The following TBC1D5 variants were observed in gnomAD, a reference collection of about 807,000 sequenced individuals.
TBC1D5 encodes the protein TBC1 domain family member 5, also known as TBC1 domain family, member 5.
A neutral mutation model predicts 100.3 loss-of-function variants in TBC1D5; 75 were observed. That is an observed-to-expected ratio of 0.75 (90% CI 0.62 to 0.91). TBC1D5 has a LOEUF of 0.91. TBC1D5 is among the 40% of genes least tolerant of loss of function. TBC1D5 has a pLI of 0.00. For missense variants in TBC1D5, 910 were observed against 942.4 expected (o/e 0.97, Z 0.45); for synonymous variants, 323 against 325.6 (o/e 0.99, Z 0.09).
At chr3:17,346,101 C>T (rs557124270) in intron 13 of TBC1D5, among the ~76,000 whole-genome samples, 2 of 152,082 alleles carry the variant, frequency 1.3e-5, no homozygotes, top group South Asian at 2.1e-4. Context: ...CAGTATAATA[C>T]TATTGCCAAA....
intron 1 of TBC1D5, among the ~76,000 whole-genome samples, chr3:17,638,954 G>C (rs2064233273): frequency 6.6e-6 from 1 of 152,128 alleles, no homozygotes. Context: ...AAACAGCTGG[G>C]AAGTTTCTTA....
In TBC1D5 at chr3:17,214,306, G is replaced by C. The variant is rs528817547; in HGVS notation, c.1653C>G (p.Phe551Leu). ...TAGCAGATGAAGGTGGAGAGCCAGTGAATTCTCTTCCTCCAGGCAAACTCT... is the reference window on the plus strand; with the variant it reads ...TAGCAGATGAAGGTGGAGAGCCAGTCAATTCTCTTCCTCCAGGCAAACTCT... The change falls in exon 18 of 22, where the codon TTC becomes TTG. Residue 551 changes from phenylalanine to leucine, a missense_variant. Transcript: ENST00000253692. The C allele has an allele frequency of 1.7e-5, 27 of 1,613,242 alleles. No individual in the cohort carries two copies. In the Admixed American group the frequency reaches 2.0e-4, roughly 12 times the overall value.
chr3:17,695,375 A>G (rs553089875), intron 1 of TBC1D5, among the ~76,000 whole-genome samples: 1 of 152,320 alleles, frequency 6.6e-6, no homozygotes, highest in Non-Finnish European at 1.5e-5. Context: ...TGACGCACAT[A>G]GGCTAAAAAT....
chr3:17,514,188 A>C (rs2095952280), intron 2 of TBC1D5, among the ~76,000 whole-genome samples: 1 of 152,188 alleles, frequency 6.6e-6, no homozygotes, highest in Non-Finnish European at 1.5e-5. Context: ...TTAATATTTA[A>C]TATTGTTAGA....
At position 17,251,431 on chromosome 3, in the gene TBC1D5, C is replaced by A. The variant is rs908107605; in HGVS notation, c.1331+7075G>T. ...AATATATATACTCACGGGAACCCCC[C>A]CCCCCCCAGTAGAAGCGATTAGAAG... On this transcript the variant is annotated intron_variant, in intron 16 of 21. Coordinates refer to ENST00000253692, the Ensembl canonical transcript of TBC1D5. Among the ~76,000 whole-genome samples, 169 of 139,318 alleles carry A rather than the reference C, an allele frequency of 1.2e-3. 1 individual carries two copies. Among genetic ancestry groups the A allele is most frequent in the Non-Finnish European group, 2.2e-3 (136 of 61,672 alleles). 91.4% of individuals were successfully genotyped at this position (139,318 alleles called of 152,430 possible).
At chr3:17,626,453 A>G (rs2063070955) in intron 1 of TBC1D5, among the ~76,000 whole-genome samples, 1 of 152,224 alleles carries the variant, frequency 6.6e-6, no homozygotes, top group South Asian at 2.1e-4. Flanking sequence ...CCAAAGAAAT[A>G]TAACATGGTC....
chr3:17,206,027 T>C (rs1342637556), intron 18 of TBC1D5, among the ~76,000 whole-genome samples: 2 of 152,210 alleles, frequency 1.3e-5, no homozygotes, highest in Admixed American at 6.5e-5. Context: ...CTAACTACTT[T>C]AGATGTGTCA....
intron 2 of TBC1D5, among the ~76,000 whole-genome samples, chr3:17,542,776 A>C (rs1408600057): frequency 6.6e-6 from 1 of 152,186 alleles, no homozygotes; most frequent in East Asian, 1.9e-4. Context: ...AATTTCCATA[A>C]GATGAATCAT....
chr3:17,277,815 G>A (rs1476815597), intron 15 of TBC1D5, among the ~76,000 whole-genome samples: 1 of 152,184 alleles, frequency 6.6e-6, no homozygotes, highest in Non-Finnish European at 1.5e-5. Context: ...GAGCCAGGGG[G>A]CTAGGTCTTG....
chr3:17,382,772 G>A (rs1426694048), intron 9 of TBC1D5, among the ~76,000 whole-genome samples: 1 of 151,936 alleles, frequency 6.6e-6, no homozygotes, highest in Non-Finnish European at 1.5e-5. Flanking sequence ...ATGTTGCCCA[G>A]CCTGGTCTCA....
intron 13 of TBC1D5, among the ~76,000 whole-genome samples, chr3:17,352,172 T>C (rs887222526): frequency 3.3e-5 from 5 of 152,160 alleles, no homozygotes; most frequent in African/African-American, 1.2e-4. Flanking sequence ...GCACTTTGTA[T>C]AAATATGTAT....
At chr3:17,252,729 T>C (rs749265691) in intron 16 of TBC1D5, among the ~76,000 whole-genome samples, 1 of 152,190 alleles carries the variant, frequency 6.6e-6, no homozygotes, top group Non-Finnish European at 1.5e-5. Context: ...CCTGGAAAAG[T>C]GCAGTTTTCC....
chr3:17,189,201 A>T (rs902871192), intron 18 of TBC1D5, among the ~76,000 whole-genome samples: 11 of 152,314 alleles, frequency 7.2e-5, no homozygotes, highest in Non-Finnish European at 1.2e-4. Context: ...CTTTAAAAAA[A>T]TTTTTTTATA....
chr3:17,488,215 T>C (rs115931986), intron 3 of TBC1D5, among the ~76,000 whole-genome samples: 2,976 of 152,298 alleles, frequency 0.02, 39 homozygotes, highest in Non-Finnish European at 0.029. Context: ...CAATGTCATA[T>C]AGTTGGAATA....
intron 2 of TBC1D5, among the ~76,000 whole-genome samples, chr3:17,601,997 T>A (rs920720410): frequency 1.8e-4 from 28 of 151,604 alleles, no homozygotes; most frequent in African/African-American, 5.8e-4. Context: ...GCCTGGCTAA[T>A]TTTTTTTGTA....
chr3:17,624,899 C>T (rs1404811756), intron 1 of TBC1D5, among the ~76,000 whole-genome samples: 1 of 151,944 alleles, frequency 6.6e-6, no homozygotes, highest in Non-Finnish European at 1.5e-5. Context: ...CCAGAGAGAA[C>T]GTCTAAAATA....
intron 13 of TBC1D5, among the ~76,000 whole-genome samples, chr3:17,315,280 T>A (rs893077894): frequency 6.6e-6 from 1 of 152,224 alleles, no homozygotes; most frequent in Non-Finnish European, 1.5e-5. Flanking sequence ...TTATATATAT[T>A]TTATTTTCAA....
At chr3:17,273,178 G>A (rs1208550571) in intron 15 of TBC1D5, among the ~76,000 whole-genome samples, 4 of 152,036 alleles carry the variant, frequency 2.6e-5, no homozygotes, top group Admixed American at 2.0e-4. Context: ...CATTTTCCAT[G>A]TTGCTAGAAT....
chr3:17,576,740 C>A (rs1256293969), intron 2 of TBC1D5, among the ~76,000 whole-genome samples: 1 of 151,838 alleles, frequency 6.6e-6, no homozygotes, highest in Admixed American at 6.6e-5. Flanking sequence ...ATCTTGTCTC[C>A]CTTCAAAGTA....
Sources: gnomAD v4.1 joint callset for allele counts (sites outside exome capture counted in the v4.1 genomes callset) on GRCh38, gnomAD v4.1.1 for gene constraint, MANE v1.5 for transcripts, NCBI Gene and HGNC (gene_info 2026-07-23, HGNC 2026-07-21) for gene names.